The following GPM6A variants were observed in gnomAD, a reference collection of about 807,000 sequenced individuals.
GPM6A encodes glycoprotein M6A, also known as neuronal membrane glycoprotein M6-a.
A neutral mutation model predicts 32.1 loss-of-function variants in GPM6A; 7 were observed. The ratio of observed to expected loss-of-function variants is 0.22; its 90% CI spans 0.12 to 0.41. The LOEUF (loss-of-function observed/expected upper bound fraction) is 0.41. Ranked by LOEUF, GPM6A falls within the 10% of genes least tolerant of loss-of-function variation. The pLI, the probability that GPM6A is intolerant of heterozygous loss-of-function variation, is 1.00. For synonymous variants in GPM6A, 130 were observed against 123.4 expected, an observed-to-expected ratio of 1.05 and a Z score of -0.35; for missense variants, 235 against 347.2, an observed-to-expected ratio of 0.68 and a Z score of 2.57.
At chr4:175,865,952 T>C (rs1736721134) in intron 1 of GPM6A, among the ~76,000 whole-genome samples, 2 of 152,174 alleles carry the variant, frequency 1.3e-5, no homozygotes, top group South Asian at 4.1e-4. Flanking sequence ...CCTAGAATTT[T>C]CATTGTGGAA....
chr4:175,922,258 G>T (rs1274815840), intron 1 of GPM6A, among the ~76,000 whole-genome samples: 2 of 152,172 alleles, frequency 1.3e-5, no homozygotes, highest in Admixed American at 6.5e-5. Flanking sequence ...GGGAATTTCT[G>T]TTAACACATA....
intron 1 of GPM6A, among the ~76,000 whole-genome samples, chr4:175,923,991 A>C (rs1738752852): frequency 6.6e-6 from 1 of 152,226 alleles, no homozygotes; most frequent in South Asian, 2.1e-4. Flanking sequence ...TGCCTAGAAT[A>C]GTCCTATTCG....
intron 3 of GPM6A, among the ~76,000 whole-genome samples, chr4:175,667,861 A>C (rs1174723491): frequency 6.6e-6 from 1 of 152,182 alleles, no homozygotes; most frequent in African/African-American, 2.4e-5. Flanking sequence ...AATAATCTAA[A>C]AAATCAAAAA....
intron 4 of GPM6A, among the ~76,000 whole-genome samples, chr4:175,650,653 C>G (rs919368712): frequency 9.2e-5 from 14 of 152,138 alleles, no homozygotes; most frequent in African/African-American, 3.4e-4. Flanking sequence ...GTGGATCACA[C>G]TACACGGGGA....
chr4:175,956,849 A>G (rs1264211052), intron 1 of GPM6A, among the ~76,000 whole-genome samples: 2 of 152,246 alleles, frequency 1.3e-5, no homozygotes, highest in African/African-American at 4.8e-5. Context: ...TGGTACAAGT[A>G]AGAATGTCAA....
chr4:175,778,679 A>G lies in GPM6A; in HGVS notation c.37+33512T>C, dbSNP rs181183303. Among the ~76,000 whole-genome samples, 27 of 149,936 alleles carry G rather than the reference A, an allele frequency of 1.8e-4. No homozygotes were observed. In the East Asian group the frequency reaches 5.3e-3, roughly 29 times the overall value. The stretch of plus-strand genomic sequence containing the variant: ...AAAGAAAAAGAAAACTCTGTAGGAT[A>G]GAAGAAAACTCAAACAACATAGTTT... On this transcript the variant is annotated intron_variant, in intron 1 of 6. Transcript: ENST00000393658.
intron 1 of GPM6A, among the ~76,000 whole-genome samples, chr4:175,944,121 G>A (rs1327055636): frequency 1.3e-5 from 2 of 152,134 alleles, no homozygotes; most frequent in African/African-American, 4.8e-5. Context: ...GCAATGTTCA[G>A]AAATTTAACC....
intron 4 of GPM6A, among the ~76,000 whole-genome samples, chr4:175,651,206 A>G (rs1326105334): frequency 6.6e-6 from 1 of 152,170 alleles, no homozygotes; most frequent in Non-Finnish European, 1.5e-5. Context: ...AGTATGGCCT[A>G]CTATATAGAG....
intron 1 of GPM6A, among the ~76,000 whole-genome samples, chr4:175,722,815 G>A (rs1170550526): frequency 3.9e-5 from 6 of 151,954 alleles, no homozygotes; most frequent in East Asian, 3.9e-4. Flanking sequence ...AGGCTAAGGC[G>A]GGCGAATCGC....
intron 2 of GPM6A, among the ~76,000 whole-genome samples, chr4:175,689,092 C>G (rs1376142984): frequency 6.6e-6 from 1 of 152,078 alleles, no homozygotes; most frequent in African/African-American, 2.4e-5. Flanking sequence ...CAATGCCTGG[C>G]CAAGATTGTT....
At chr4:175,972,137 C>T (rs769284310) in intron 1 of GPM6A, 25 of 152,106 alleles carry the variant, frequency 1.6e-4, no homozygotes, top group Non-Finnish European at 2.6e-4. Flanking sequence ...CATCAGTTCA[C>T]TCAAAGAACC....
intron 2 of GPM6A, among the ~76,000 whole-genome samples, chr4:175,686,260 A>C (rs1255178475): frequency 6.6e-6 from 1 of 152,248 alleles, no homozygotes; most frequent in Non-Finnish European, 1.5e-5. Context: ...TTGGTGCAAA[A>C]GTAATTGCAG....
Position 175,680,567 on chromosome 4 carries a change from T to C in GPM6A, c.231-6731A>G, listed in dbSNP as rs1423583885. On this transcript the variant is annotated intron_variant, in intron 2 of 6. Coordinates refer to ENST00000393658, the MANE Select transcript of GPM6A (RefSeq NM_201591.3). Reference sequence around the variant, plus strand: ...GTGGCCATGTTAATGCAACTGTTTGTTTCAGTTTCACGTTGTCCATCTCAT... The same window carrying C: ...GTGGCCATGTTAATGCAACTGTTTGCTTCAGTTTCACGTTGTCCATCTCAT... 3.9e-5 allele frequency among the ~76,000 whole-genome samples: 6 copies of C among 152,318 alleles called. No homozygotes were observed. In the South Asian group the frequency reaches 8.3e-4, roughly 21 times the overall value.
intron 1 of GPM6A, among the ~76,000 whole-genome samples, chr4:175,872,228 A>G (rs1736933593): frequency 6.6e-6 from 1 of 152,136 alleles, no homozygotes; most frequent in South Asian, 2.1e-4. Flanking sequence ...TTTCAGTTCT[A>G]CACACCTCTG....
chr4:175,861,092 A>G (rs889286855), intron 1 of GPM6A, among the ~76,000 whole-genome samples: 1 of 152,144 alleles, frequency 6.6e-6, no homozygotes, highest in Non-Finnish European at 1.5e-5. Context: ...GTTGCTAATA[A>G]CATGCATATA....
intron 1 of GPM6A, among the ~76,000 whole-genome samples, chr4:175,782,060 G>A (rs1468372464): frequency 1.3e-5 from 2 of 152,126 alleles, no homozygotes; most frequent in African/African-American, 4.8e-5. Context: ...TATCTCATTG[G>A]ATTCTTGCAA....
At chr4:175,751,548 A>G (rs577501162) in intron 1 of GPM6A, among the ~76,000 whole-genome samples, 145 of 152,308 alleles carry the variant, frequency 9.5e-4, no homozygotes, top group African/African-American at 3.4e-3. Flanking sequence ...TGCTATCTAT[A>G]ATAAGAACAC....
upstream of GPM6A, chr4:175,813,152 G>A (rs1313980333): frequency 1.0e-5 from 8 of 800,152 alleles, no homozygotes; most frequent in East Asian, 1.3e-4. Context: ...TATAGCCCAC[G>A]AAAGCTGCTG....
chr4:175,737,260 T>G (rs538346746), intron 1 of GPM6A, among the ~76,000 whole-genome samples: 2 of 152,154 alleles, frequency 1.3e-5, no homozygotes, highest in East Asian at 1.9e-4. Context: ...GAAAAGAGGT[T>G]TATGTGGCTC....
Sources: allele counts gnomAD v4.1 joint callset (sites outside exome capture counted in the v4.1 genomes callset), GRCh38; gene constraint gnomAD v4.1.1; transcripts MANE v1.5; gene names NCBI Gene and HGNC (gene_info 2026-07-23, HGNC 2026-07-21).